The following CACNA2D1 variants were observed in gnomAD, a reference collection of about 807,000 sequenced individuals.
CACNA2D1 encodes voltage-dependent calcium channel subunit alpha-2/delta-1.
A neutral mutation model predicts 171.5 loss-of-function variants in CACNA2D1; 53 were observed. The observed-to-expected ratio is 0.31, with a 90% confidence interval of 0.25 to 0.39. CACNA2D1 has a LOEUF of 0.39. Ranked by LOEUF, CACNA2D1 falls within the 10% of genes least tolerant of loss-of-function variation. CACNA2D1 has a pLI of 1.00. For missense variants in CACNA2D1, 903 were observed against 1,299.8 expected (o/e 0.69, Z 4.69); for synonymous variants, 442 against 443.1 (o/e 1.00, Z 0.03).
chr7:82,171,773 A>G (rs1796043860), intron 3 of CACNA2D1, among the ~76,000 whole-genome samples: 1 of 152,148 alleles, frequency 6.6e-6, no homozygotes, highest in Non-Finnish European at 1.5e-5. Context: ...AAAAGTAAAT[A>G]TAATAAATAT....
chr7:82,070,374 C>T (rs1808180602), intron 7 of CACNA2D1, among the ~76,000 whole-genome samples: 1 of 152,164 alleles, frequency 6.6e-6, no homozygotes, highest in Admixed American at 6.5e-5. Flanking sequence ...GCACAAATGC[C>T]TTAATGAAAA....
At chr7:82,030,603 A>C (rs956863998) in intron 12 of CACNA2D1, among the ~76,000 whole-genome samples, 9 of 151,810 alleles carry the variant, frequency 5.9e-5, no homozygotes, top group Non-Finnish European at 1.2e-4. Context: ...TTTTTGAAAT[A>C]AAGTATGTAG....
chr7:82,400,318 T>C (rs1826235877), intron 1 of CACNA2D1, among the ~76,000 whole-genome samples: 1 of 151,792 alleles, frequency 6.6e-6, no homozygotes, highest in South Asian at 2.1e-4. Flanking sequence ...ACGATATTGA[T>C]TCTTCCTACC....
At chr7:82,341,797 T>C (rs113057838) in intron 2 of CACNA2D1, among the ~76,000 whole-genome samples, 16,613 of 151,884 alleles carry the variant, frequency 0.11, 1,691 homozygotes, top group African/African-American at 0.26. Context: ...CCTGTAATCC[T>C]AGCACTTTGG....
chr7:82,299,734 C>G (rs1275602357), intron 3 of CACNA2D1, among the ~76,000 whole-genome samples: 1 of 151,498 alleles, frequency 6.6e-6, no homozygotes, highest in African/African-American at 2.4e-5. Context: ...TCACATCTTT[C>G]AAACTTCAGT....
intron 3 of CACNA2D1, among the ~76,000 whole-genome samples, chr7:82,327,487 T>C (rs1026026469): frequency 3.3e-5 from 5 of 152,242 alleles, no homozygotes; most frequent in African/African-American, 9.6e-5. Context: ...TTCACCATTG[T>C]ATATAAAAGT....
At chr7:82,236,738 G>T (rs1401695617) in intron 3 of CACNA2D1, among the ~76,000 whole-genome samples, 1 of 151,894 alleles carries the variant, frequency 6.6e-6, no homozygotes, top group African/African-American at 2.4e-5. Flanking sequence ...CCTATAACTT[G>T]ATATAACAAA....
intron 3 of CACNA2D1, among the ~76,000 whole-genome samples, chr7:82,305,578 T>C (rs1414917061): frequency 1.3e-5 from 2 of 150,960 alleles, no homozygotes; most frequent in Non-Finnish European, 3.0e-5. Flanking sequence ...CCTTTGCCCC[T>C]TTCTCTCCTA....
intron 4 of CACNA2D1, among the ~76,000 whole-genome samples, chr7:82,142,414 G>A (rs1792508111): frequency 6.6e-6 from 1 of 152,124 alleles, no homozygotes; most frequent in Non-Finnish European, 1.5e-5. Context: ...TGTATATTGT[G>A]AGTGACAGCC....
At chr7:82,325,248 A>T (rs899175835) in intron 3 of CACNA2D1, among the ~76,000 whole-genome samples, 1 of 152,210 alleles carries the variant, frequency 6.6e-6, no homozygotes, top group Non-Finnish European at 1.5e-5. Flanking sequence ...TAGCCTGTGG[A>T]GATTGGATTT....
intron 1 of CACNA2D1, among the ~76,000 whole-genome samples, chr7:82,428,540 A>C (rs1431016780): frequency 1.3e-5 from 2 of 152,182 alleles, no homozygotes; most frequent in African/African-American, 4.8e-5. Context: ...TAATCTCCAT[A>C]GATGCCTCCA....
chr7:82,356,807 T>C (rs1820478209), intron 1 of CACNA2D1, among the ~76,000 whole-genome samples: 1 of 152,142 alleles, frequency 6.6e-6, no homozygotes, highest in African/African-American at 2.4e-5. Context: ...AATTTAGACT[T>C]GATACTTTAA....
At chr7:82,096,587 G>A (rs991617174) in intron 6 of CACNA2D1, among the ~76,000 whole-genome samples, 1 of 149,260 alleles carries the variant, frequency 6.7e-6, no homozygotes, top group Non-Finnish European at 1.5e-5. Context: ...TAAACCAGTA[G>A]ACACAATGAT....
chr7:82,101,215 G>A (rs970715237), intron 6 of CACNA2D1, among the ~76,000 whole-genome samples: 1 of 152,068 alleles, frequency 6.6e-6, no homozygotes, highest in Admixed American at 6.6e-5. Flanking sequence ...ATTACCAACA[G>A]AATTTGAAGT....
At chr7:82,055,269 C>T (rs1805681413) in intron 10 of CACNA2D1, among the ~76,000 whole-genome samples, 2 of 152,000 alleles carry the variant, frequency 1.3e-5, no homozygotes, top group African/African-American at 4.8e-5. Flanking sequence ...ACCTGTGACC[C>T]TTAGTTAGAG....
chr7:82,223,810 T>C lies in CACNA2D1; in HGVS notation c.295-53201A>G, dbSNP rs76384212. On this transcript the variant is annotated intron_variant, in intron 3 of 38. Transcript: ENST00000356860. ...GGAGCCATAATGATGCTTCTGAAAA[T>C]GTAAATCAGATATGCCACGCTCCTG... Among the ~76,000 whole-genome samples, 1,369 of 152,264 alleles carry C rather than the reference T, an allele frequency of 9.0e-3. 5 individuals carry two copies. Among genetic ancestry groups the C allele is most frequent in the Non-Finnish European group, 0.016 (1,100 of 68,014 alleles).
chr7:82,179,742 A>T (rs1372047081), intron 3 of CACNA2D1, among the ~76,000 whole-genome samples: 5 of 152,126 alleles, frequency 3.3e-5, no homozygotes, highest in Admixed American at 3.3e-4. Context: ...CAACTATAAA[A>T]TGAGAATTTT....
At chr7:82,281,569 C>A (rs1585323052) in intron 3 of CACNA2D1, among the ~76,000 whole-genome samples, 1 of 152,290 alleles carries the variant, frequency 6.6e-6, no homozygotes, top group African/African-American at 2.4e-5. Flanking sequence ...CAAAAAAATT[C>A]TGTCCTCTAT....
chr7:82,320,589 T>C (rs1366258667), intron 3 of CACNA2D1, among the ~76,000 whole-genome samples: 1 of 150,980 alleles, frequency 6.6e-6, no homozygotes, highest in East Asian at 2.0e-4. Context: ...TTTTTTTTTT[T>C]TTTTTTTTTG....
Sources: allele counts gnomAD v4.1 joint callset (sites outside exome capture counted in the v4.1 genomes callset), GRCh38; gene constraint gnomAD v4.1.1; transcripts MANE v1.5; gene names NCBI Gene and HGNC (gene_info 2026-07-23, HGNC 2026-07-21).